Variants in USP3 observed in about 807,000 individuals in gnomAD.
USP3 encodes ubiquitin specific peptidase 3.
In USP3, 20 loss-of-function variants were observed where a neutral mutation model predicts 72.3. The observed-to-expected ratio is 0.28, with a 90% confidence interval of 0.19 to 0.40. The LOEUF (loss-of-function observed/expected upper bound fraction) is 0.40, where lower values mean the gene tolerates loss of function less well. Ranked by LOEUF, USP3 falls within the 10% of genes least tolerant of loss-of-function variation. The probability of loss-of-function intolerance (pLI) is 1.00; values close to 1 mark genes in which losing one functional copy is unlikely to be tolerated. For synonymous variants in USP3, 222 were observed against 225.3 expected (o/e 0.99, Z 0.13); for missense variants, 479 against 633.9 (o/e 0.76, Z 2.62).
chr15:63,538,467 T>G (rs544916445), intron 3 of USP3, among the ~76,000 whole-genome samples: 38 of 152,314 alleles, frequency 2.5e-4, no homozygotes, highest in Admixed American at 1.3e-3. Flanking sequence ...CCTTTCCACA[T>G]TGTCCTTAGT....
intron 3 of USP3, among the ~76,000 whole-genome samples, chr15:63,541,223 T>C (rs144218987): frequency 2.3e-3 from 354 of 152,286 alleles, no homozygotes; most frequent in African/African-American, 7.4e-3. Flanking sequence ...TGAAGAAATA[T>C]TGTGAAATAT....
rs757245831 is a variant in USP3 at position 63,529,040 on chromosome 15, G to C, written c.92-3607G>C. ...CTTCAAATGTTTATCTGGTGTGACTGTATTATGCCCTCAGAGAGTACTGTA... is the reference window on the plus strand; with the variant it reads ...CTTCAAATGTTTATCTGGTGTGACTCTATTATGCCCTCAGAGAGTACTGTA... On this transcript the variant is annotated intron_variant, in intron 1 of 14. Transcript: ENST00000380324. This position sits in a 1 kb window ranked among gnomAD's most constrained non-coding sequence, Gnocchi z 4.2. 7.8e-7 allele frequency: 1 copy of C among 1,288,868 alleles called. No homozygotes were observed. The highest frequency in any genetic ancestry group is 1.0e-6 in the Non-Finnish European group (1 of 988,630). 79.8% of individuals were successfully genotyped at this position (1,288,868 alleles called of 1,614,324 possible).
intron 1 of USP3, among the ~76,000 whole-genome samples, chr15:63,530,184 G>A (rs1409290844): frequency 3.3e-5 from 5 of 151,940 alleles, no homozygotes; most frequent in South Asian, 4.1e-4. Context: ...CTATTGTAAC[G>A]TAATTATTTC....
chr15:63,512,354 T>TC (rs1203604208), intron 1 of USP3, among the ~76,000 whole-genome samples: 3,106 of 42,950 alleles, frequency 0.072, 103 homozygotes, highest in African/African-American at 0.21. Flanking sequence ...CTCCTCTTCC[T>TC]CTTCTTCTTC....
chr15:63,560,680 T>C (rs1478967486), intron 7 of USP3, among the ~76,000 whole-genome samples: 2 of 152,016 alleles, frequency 1.3e-5, no homozygotes, highest in Non-Finnish European at 2.9e-5. Flanking sequence ...CAATTTTTGG[T>C]TGATACGGAG....
At chr15:63,589,672 C>G (rs1178765875) in intron 14 of USP3, among the ~76,000 whole-genome samples, 1 of 152,136 alleles carries the variant, frequency 6.6e-6, no homozygotes, top group Non-Finnish European at 1.5e-5. Context: ...TTGGTGCCTT[C>G]AGCTCATGAA....
chr15:63,566,286 G>C (rs1347023136), intron 8 of USP3, among the ~76,000 whole-genome samples: 1 of 151,362 alleles, frequency 6.6e-6, no homozygotes, highest in Non-Finnish European at 1.5e-5. Flanking sequence ...ACAAAAAATA[G>C]ATCTTTGCCT....
At chr15:63,540,888 T>A (rs2066235369) in intron 3 of USP3, among the ~76,000 whole-genome samples, 1 of 152,222 alleles carries the variant, frequency 6.6e-6, no homozygotes, top group African/African-American at 2.4e-5. Context: ...GTGTTTAGTT[T>A]ACTGTTTGTT....
At position 63,504,634 on chromosome 15, in the gene USP3, C is replaced by G. The variant is rs1427857180; in HGVS notation, c.-106C>G. 1.0e-6 allele frequency: 1 copy of G among 993,442 alleles called. No homozygotes were observed. Among genetic ancestry groups the G allele is most frequent in the Non-Finnish European group, 1.4e-6 (1 of 717,502 alleles). 61.5% of individuals were successfully genotyped at this position (993,442 alleles called of 1,614,324 possible). ...GGCTCGAGACGCAGCCGCCGTCGGC[C>G]GAGCGCCCGGCTAGAAGCGACACCA... On this transcript the variant is annotated 5_prime_UTR_variant, in exon 1 of 15. Coordinates refer to ENST00000380324, the MANE Select transcript of USP3 (RefSeq NM_006537.4).
chr15:63,563,923 A>G (rs1342889470), intron 8 of USP3, among the ~76,000 whole-genome samples: 1 of 152,228 alleles, frequency 6.6e-6, no homozygotes, highest in African/African-American at 2.4e-5. Flanking sequence ...AGGATCTGAC[A>G]TGAGTAACTA....
intron 1 of USP3, among the ~76,000 whole-genome samples, chr15:63,509,891 T>C (rs1461348004): frequency 6.6e-6 from 1 of 152,164 alleles, no homozygotes; most frequent in African/African-American, 2.4e-5. Flanking sequence ...TTTTGACACA[T>C]TGATGAGAAG....
At position 63,520,554 on chromosome 15, in the gene USP3, A is replaced by ATTTTTTTTTTTTTTTTTTTTTTTTTTTT. The variant is rs35244583; in HGVS notation, c.92-12066_92-12065insTTTTTTTTTTTTTTTTTTTTTTTTTTTT. Among the ~76,000 whole-genome samples, 12 of 105,424 alleles carry ATTTTTTTTTTTTTTTTTTTTTTTTTTTT rather than the reference A, an allele frequency of 1.1e-4. 6 individuals carry two copies. 69.2% of individuals were successfully genotyped at this position (105,424 alleles called of 152,430 possible). A position where few individuals can be genotyped will look rare whatever the true frequency, so the allele number is the denominator to read the frequency against. On this transcript the variant is annotated intron_variant, in intron 1 of 14. Coordinates refer to ENST00000380324, the MANE Select transcript of USP3 (RefSeq NM_006537.4). ...TTTGTTTGTTTGATTTCTGTTTTAG[A>ATTTTTTTTTTTTTTTTTTTTTTTTTTTT]TTTTTTTTTTTTTTTTTTTTTTTTT...
chr15:63,579,171 A>G (rs1228070147), intron 11 of USP3, among the ~76,000 whole-genome samples: 3 of 152,242 alleles, frequency 2.0e-5, no homozygotes, highest in Non-Finnish European at 2.9e-5. Context: ...TTATAAAAGG[A>G]CAGATAAAGC....
chr15:63,512,193 C>G (rs898204116), intron 1 of USP3, among the ~76,000 whole-genome samples: 5 of 151,922 alleles, frequency 3.3e-5, no homozygotes, highest in African/African-American at 9.7e-5. Context: ...GCCTTGGCCT[C>G]CCAAAGTGCT....
intron 3 of USP3, among the ~76,000 whole-genome samples, chr15:63,546,179 A>G (rs1025216219): frequency 6.6e-6 from 1 of 152,276 alleles, no homozygotes; most frequent in East Asian, 1.9e-4. Flanking sequence ...GAGGCCAGTC[A>G]GATTATCTGA....
intron 1 of USP3, 172 bp from the exon 2 acceptor site, chr15:63,532,475 A>G (rs1317830235): frequency 1.5e-6 from 1 of 688,486 alleles, no homozygotes; most frequent in African/African-American, 1.8e-5. Flanking sequence ...AATTCTTTTC[A>G]GTATAACTTA....
intron 14 of USP3, among the ~76,000 whole-genome samples, 194 bp from the exon 15 acceptor site, chr15:63,590,467 A>G (rs1330021978): frequency 6.6e-6 from 1 of 152,216 alleles, no homozygotes; most frequent in Non-Finnish European, 1.5e-5. Context: ...GTCCAGGGCC[A>G]TCTGCTTTGT....
At chr15:63,518,971 T>A (rs2065885083) in intron 1 of USP3, among the ~76,000 whole-genome samples, 1 of 152,178 alleles carries the variant, frequency 6.6e-6, no homozygotes, top group Non-Finnish European at 1.5e-5. Context: ...TTCACCGTGT[T>A]AACCAGGATG....
At chr15:63,526,963 C>T (rs971652322) in intron 1 of USP3, among the ~76,000 whole-genome samples, 1 of 152,102 alleles carries the variant, frequency 6.6e-6, no homozygotes, top group African/African-American at 2.4e-5. Context: ...GGTGTGATCT[C>T]GACTCACTGC....
Sources: allele counts gnomAD v4.1 joint callset (sites outside exome capture counted in the v4.1 genomes callset), GRCh38; gene constraint gnomAD v4.1.1; non-coding constraint Gnocchi (gnomAD v3.1); transcripts MANE v1.5; gene names NCBI Gene and HGNC (gene_info 2026-07-23, HGNC 2026-07-21).